HDAC9: variants seen among roughly 807,000 people sequenced by gnomAD.
The protein encoded by HDAC9 is histone deacetylase 9.
Under a neutral mutation model 139.4 loss-of-function variants are expected in HDAC9, and 41 were observed. The observed-to-expected ratio is 0.29, with a 90% CI of 0.23 to 0.38. The LOEUF (loss-of-function observed/expected upper bound fraction) is 0.38. HDAC9 is among the 10% of genes least tolerant of loss of function. The probability of loss-of-function intolerance (pLI) is 1.00; values close to 1 mark genes in which losing one functional copy is unlikely to be tolerated. For synonymous variants in HDAC9, 517 were observed against 476.2 expected (o/e 1.09, Z -1.12); for missense variants, 1,147 against 1,297.0 (o/e 0.88, Z 1.78).
intron 2 of HDAC9, among the ~76,000 whole-genome samples, chr7:18,216,550 T>C (rs1792328236): frequency 6.6e-6 from 1 of 152,142 alleles, no homozygotes; most frequent in African/African-American, 2.4e-5. Context: ...CCCTGGCCTA[T>C]GCACATGTAT....
At chr7:18,200,544 A>G (rs996701582) in intron 2 of HDAC9, among the ~76,000 whole-genome samples, 1 of 152,132 alleles carries the variant, frequency 6.6e-6, no homozygotes, top group Non-Finnish European at 1.5e-5. Flanking sequence ...CAACCAATCT[A>G]TAGTATCACA....
upstream of HDAC9, among the ~76,000 whole-genome samples, chr7:18,285,779 G>A (rs1304938407): frequency 6.6e-6 from 1 of 152,068 alleles, no homozygotes; most frequent in Admixed American, 6.6e-5. Flanking sequence ...GACACTTTGT[G>A]TTCCAGTGGT....
chr7:18,214,063 T>G (rs1486631786), intron 2 of HDAC9, among the ~76,000 whole-genome samples: 3 of 152,140 alleles, frequency 2.0e-5, no homozygotes, highest in Non-Finnish European at 4.4e-5. Context: ...CCAGGAACTA[T>G]GCTAATCACT....
intron 1 of HDAC9, among the ~76,000 whole-genome samples, chr7:18,096,619 A>T (rs767638308): frequency 6.6e-6 from 1 of 152,212 alleles, no homozygotes; most frequent in Non-Finnish European, 1.5e-5. Context: ...GTCATTAATG[A>T]AATTGTAAGC....
At chr7:18,929,515 T>C (rs1804538597) in intron 22 of HDAC9, among the ~76,000 whole-genome samples, 1 of 152,220 alleles carries the variant, frequency 6.6e-6, no homozygotes, top group Admixed American at 6.5e-5. Flanking sequence ...AATTTAATGC[T>C]GATAGACAAT....
At chr7:18,604,812 C>T (rs1221033107) in intron 6 of HDAC9, among the ~76,000 whole-genome samples, 1 of 152,128 alleles carries the variant, frequency 6.6e-6, no homozygotes, top group Non-Finnish European at 1.5e-5. Context: ...TTGCATGTTG[C>T]CAACTTCCCA....
At chr7:18,336,911 AT>A (rs1038174447) in intron 1 of HDAC9, among the ~76,000 whole-genome samples, 1 of 151,624 alleles carries the variant, frequency 6.6e-6, no homozygotes, top group Non-Finnish European at 1.5e-5. Context: ...ACTAAAACTA[AT>A]TTTGTCAGGA....
intron 1 of HDAC9, among the ~76,000 whole-genome samples, chr7:18,158,903 G>T (rs141582861): frequency 1.2e-4 from 19 of 152,320 alleles, no homozygotes; most frequent in Non-Finnish European, 2.1e-4. Flanking sequence ...TTGTTGCTCC[G>T]TGCTACATCT....
chr7:18,907,536 T>G (rs1802370366), intron 22 of HDAC9, among the ~76,000 whole-genome samples: 1 of 152,240 alleles, frequency 6.6e-6, no homozygotes. Flanking sequence ...TGTGATGTCA[T>G]ATTATTTGAC....
intron 2 of HDAC9, among the ~76,000 whole-genome samples, chr7:18,565,264 G>A (rs1205788791): frequency 6.6e-6 from 1 of 152,236 alleles, no homozygotes; most frequent in East Asian, 1.9e-4. Flanking sequence ...CCAAAGTGTT[G>A]GGATTACAGG....
chr7:18,280,269 T>C (rs117670413), intron 2 of HDAC9, among the ~76,000 whole-genome samples: 3,270 of 152,136 alleles, frequency 0.021, 53 homozygotes, highest in Middle Eastern at 0.037. Context: ...TTGGATAACA[T>C]AGTGTGACTC....
At chr7:18,625,601 G>A (rs1841464646) in intron 6 of HDAC9, among the ~76,000 whole-genome samples, 1 of 152,058 alleles carries the variant, frequency 6.6e-6, no homozygotes, top group Non-Finnish European at 1.5e-5. Context: ...TGAACCACTG[G>A]CCTATTCTCT....
chr7:18,960,193 C>T (rs1783435928), intron 24 of HDAC9, among the ~76,000 whole-genome samples: 1 of 152,096 alleles, frequency 6.6e-6, no homozygotes, highest in East Asian at 1.9e-4. Context: ...CAGTTATCTC[C>T]ATGGTTCCAT....
At chr7:18,230,035 A>G (rs1793342862) in intron 2 of HDAC9, among the ~76,000 whole-genome samples, 2 of 152,164 alleles carry the variant, frequency 1.3e-5, no homozygotes, top group South Asian at 4.1e-4. Context: ...TTATTGCTTA[A>G]GTTTAGTGTT....
In HDAC9 at chr7:18,937,030, A is replaced by AT. The variant is rs768350029; in HGVS notation, c.2937+1113dup. On this transcript the variant is annotated intron_variant, in intron 23 of 25. Coordinates refer to ENST00000686413, the MANE Select transcript of HDAC9 (RefSeq NM_178425.4). ...TTGCTCAAGTACTTTGCTCTTGTTAATTTTTTTTTTTTTTTTTTTTTTTTT... is the reference window on the plus strand; with the variant it reads ...TTGCTCAAGTACTTTGCTCTTGTTAATTTTTTTTTTTTTTTTTTTTTTTTTT... 8.2e-3 allele frequency among the ~76,000 whole-genome samples: 795 copies of AT among 96,690 alleles called. 12 individuals are homozygous for AT. Among genetic ancestry groups the AT allele is most frequent in the Middle Eastern group, 0.019 (2 of 108 alleles). 63.4% of individuals were successfully genotyped at this position (96,690 alleles called of 152,430 possible).
chr7:18,603,234 T>C (rs1834467620), intron 6 of HDAC9, among the ~76,000 whole-genome samples: 1 of 152,092 alleles, frequency 6.6e-6, no homozygotes, highest in Admixed American at 6.5e-5. Flanking sequence ...AGTTAGAACG[T>C]CTTGTTTTTT....
At chr7:18,756,198 C>A (rs2129151964) in intron 14 of HDAC9, among the ~76,000 whole-genome samples, 1 of 152,264 alleles carries the variant, frequency 6.6e-6, no homozygotes, top group Middle Eastern at 3.4e-3. Context: ...AGAAACACAA[C>A]TTCTTAACAT....
At chr7:18,441,781 G>A (rs944898888) in intron 1 of HDAC9, among the ~76,000 whole-genome samples, 4 of 152,068 alleles carry the variant, frequency 2.6e-5, no homozygotes, top group African/African-American at 9.7e-5. Context: ...TGTTGTTGTT[G>A]TTGTTGAGAC....
intron 23 of HDAC9, chr7:18,948,971 T>C: frequency 1.0e-5 from 4 of 388,714 alleles, no homozygotes; most frequent in Non-Finnish European, 2.0e-5. Context: ...GTTCTTCACA[T>C]AATTGATGAA....
Sources: allele counts gnomAD v4.1 joint callset (sites outside exome capture counted in the v4.1 genomes callset), GRCh38; gene constraint gnomAD v4.1.1; transcripts MANE v1.5; gene names NCBI Gene and HGNC (gene_info 2026-07-23, HGNC 2026-07-21).